Variants in SLC5A4 observed in about 807,000 individuals in gnomAD.
SLC5A4 encodes the protein solute carrier family 5 member 4, also known as probable glucose sensor protein SLC5A4.
SLC5A4 carries 55 observed loss-of-function variants against 70.3 expected under a neutral mutation model. The ratio of observed to expected loss-of-function variants is 0.78; its 90% confidence interval spans 0.63 to 0.98. SLC5A4 has a LOEUF of 0.98. Ranked by LOEUF, SLC5A4 falls within the 50% of genes least tolerant of loss-of-function variation. The probability of loss-of-function intolerance (pLI) is 0.00; values close to 1 mark genes in which losing one functional copy is unlikely to be tolerated. For synonymous variants in SLC5A4, 268 were observed against 305.7 expected (o/e 0.88, Z 1.29); for missense variants, 735 against 839.2 (o/e 0.88, Z 1.53).
chr22:32,328,980 T>G, the SLC5A4 span, among the ~76,000 whole-genome samples: 2 of 152,228 alleles, frequency 1.3e-5, no homozygotes, highest in Admixed American at 1.3e-4. Flanking sequence ...TGGGAAGGTC[T>G]TCCCTCTGCC....
intron 5 of SLC5A4, among the ~76,000 whole-genome samples, chr22:32,244,269 G>A (rs1294839400): frequency 6.6e-6 from 1 of 152,180 alleles, no homozygotes; most frequent in African/African-American, 2.4e-5. Context: ...GAAAAAGAGT[G>A]TTACCTGTGG....
the SLC5A4 span, chr22:32,270,189 T>C: frequency 3.0e-6 from 2 of 664,958 alleles, no homozygotes; most frequent in African/African-American, 3.5e-5. Context: ...GCTGGCCACC[T>C]ACCTTTGAGG....
At chr22:32,275,048 C>T in the SLC5A4 span, among the ~76,000 whole-genome samples, 1 of 152,074 alleles carries the variant, frequency 6.6e-6, no homozygotes, top group Admixed American at 6.5e-5. Flanking sequence ...AACACTGTAA[C>T]ATACAGTTCT....
chr22:32,335,957 C>T, the SLC5A4 span, among the ~76,000 whole-genome samples: 74 of 152,316 alleles, frequency 4.9e-4, 1 homozygote, highest in African/African-American at 1.7e-3. Context: ...TGTTGGGAGA[C>T]GTCTGCAGTT....
At chr22:32,352,521 A>T in the SLC5A4 span, among the ~76,000 whole-genome samples, 2 of 151,994 alleles carry the variant, frequency 1.3e-5, no homozygotes, top group African/African-American at 4.8e-5. Context: ...CACCTGACTC[A>T]GGTGCCAGCA....
the SLC5A4 span, chr22:32,270,608 C>G: frequency 1.8e-5 from 13 of 737,094 alleles, no homozygotes; most frequent in South Asian, 2.9e-5. Flanking sequence ...GGCTTTGCCA[C>G]GCAGGGCCCC....
At chr22:32,309,782 A>T in the SLC5A4 span, among the ~76,000 whole-genome samples, 1 of 152,024 alleles carries the variant, frequency 6.6e-6, no homozygotes, top group Non-Finnish European at 1.5e-5. Flanking sequence ...TTGACAGATA[A>T]GAAGCAGAGG....
In SLC5A4 at chr22:32,248,747, G is replaced by A. The variant is rs757933262; in HGVS notation, c.368C>T (p.Ser123Leu). The A allele has an allele frequency of 3.7e-6, 6 of 1,610,300 alleles. No individual in the cohort carries two copies. The East Asian group carries it at 8.9e-5, about 24-fold the overall frequency. ...ATTTTGGTAACAGATACTCACCCCC[G>A]ACTTGATGTAGATAGGGACAAAGAT... ...GWIFVPIYIKSGVMTMPEYLK... is the reference protein window; with the variant it reads ...GWIFVPIYIKLGVMTMPEYLK... The change falls in exon 4 of 15, where the codon TCG becomes TTG. Residue 123 changes from serine (S) to leucine (L), a missense_variant. Physicochemically the swap from Ser to Leu is moderately radical, Grantham distance 145. Coordinates refer to ENST00000266086, the MANE Select transcript of SLC5A4 (RefSeq NM_014227.3).
the SLC5A4 span, among the ~76,000 whole-genome samples, chr22:32,302,460 A>G: frequency 2.0e-5 from 3 of 152,192 alleles, no homozygotes; most frequent in African/African-American, 7.2e-5. Context: ...ATTTAAATTT[A>G]TATTCTACTT....
At chr22:32,346,903 CAG>C in the SLC5A4 span, among the ~76,000 whole-genome samples, 3 of 151,050 alleles carry the variant, frequency 2.0e-5, no homozygotes, top group African/African-American at 7.3e-5. Flanking sequence ...AAACTACCAT[CAG>C]AGTGAACAGG....
the SLC5A4 span, among the ~76,000 whole-genome samples, chr22:32,307,638 C>G: frequency 6.6e-6 from 1 of 152,140 alleles, no homozygotes; most frequent in African/African-American, 2.4e-5. Context: ...GTCACAACCC[C>G]CAAAGTTGTT....
intron 5 of SLC5A4, among the ~76,000 whole-genome samples, chr22:32,245,630 C>T (rs1476080016): frequency 1.3e-5 from 2 of 152,200 alleles, no homozygotes; most frequent in Non-Finnish European, 2.9e-5. Context: ...AAGCAATTCT[C>T]CTGCCTCAGC....
chr22:32,305,247 T>C, the SLC5A4 span, among the ~76,000 whole-genome samples: 3 of 152,126 alleles, frequency 2.0e-5, no homozygotes, highest in Admixed American at 2.0e-4. Flanking sequence ...TGATTTTATG[T>C]ATTTGGAGCA....
At chr22:32,251,712 A>G in intron 3 of SLC5A4, 58 bp downstream of exon 3, 1 of 1,011,418 alleles carries the variant, frequency 9.9e-7, no homozygotes, top group Non-Finnish European at 1.6e-6. Context: ...AGCATAAAAC[A>G]TACTAAGACA....
At chr22:32,311,790 G>A in the SLC5A4 span, among the ~76,000 whole-genome samples, 115 of 152,206 alleles carry the variant, frequency 7.6e-4, no homozygotes, top group African/African-American at 2.6e-3. Context: ...CGCTCTCGGC[G>A]GTGATGGTGG....
chr22:32,284,543 C>G, the SLC5A4 span: 1 of 152,200 alleles, frequency 6.6e-6, no homozygotes, highest in Non-Finnish European at 1.5e-5. Flanking sequence ...CCTGAACTCT[C>G]CTTTATGTTG....
chr22:32,218,708 G>A lies in SLC5A4; in HGVS notation c.1786C>T (p.Arg596Cys), dbSNP rs1448046173. The A allele has an allele frequency of 4.3e-6, 7 of 1,613,498 alleles. No homozygotes were observed. Among genetic ancestry groups the A allele is most frequent in the African/African-American group, 4.0e-5 (3 of 74,976 alleles). ...TCATAAGCTTTCTTGAGGCATCCAC[G>A]TGATTTCTCAGGATAATCTGGAACA... ...GVEEDYPEKS[R>C]GCLKKAYDLF... Residue 596 changes from arginine to cysteine, a missense_variant, in exon 15 of 15, where the codon CGT (arginine) becomes TGT (cysteine). Transcript: ENST00000266086.
At chr22:32,347,297 A>C in the SLC5A4 span, among the ~76,000 whole-genome samples, 23 of 151,968 alleles carry the variant, frequency 1.5e-4, no homozygotes, top group Middle Eastern at 3.4e-3. Flanking sequence ...GTCAGTGTGG[A>C]GATTCCTCAC....
chr22:32,314,771 G>A, the SLC5A4 span, among the ~76,000 whole-genome samples: 1 of 152,194 alleles, frequency 6.6e-6, no homozygotes, highest in Non-Finnish European at 1.5e-5. Flanking sequence ...CATGGTGAAA[G>A]GCAAGGAGGA....
Sources: allele counts gnomAD v4.1 joint callset (sites outside exome capture counted in the v4.1 genomes callset), GRCh38; gene constraint gnomAD v4.1.1; transcripts MANE v1.5; gene names NCBI Gene and HGNC (gene_info 2026-07-23, HGNC 2026-07-21).